The following XRCC4 variants were observed in gnomAD, a reference collection of about 807,000 sequenced individuals.
XRCC4 encodes X-ray repair cross complementing 4, also known as DNA repair protein XRCC4.
XRCC4 carries 28 observed loss-of-function variants against 39.1 expected under a neutral mutation model. The ratio of observed to expected loss-of-function variants is 0.72; its 90% CI spans 0.53 to 0.98. XRCC4 has a LOEUF of 0.98. XRCC4 is among the 50% of genes least tolerant of loss of function. The pLI is 0.00. For missense variants in XRCC4, 350 were observed against 376.4 expected, an observed-to-expected ratio of 0.93 and a Z score of 0.58; for synonymous variants, 123 against 126.4, an observed-to-expected ratio of 0.97 and a Z score of 0.18.
At chr5:83,204,180 CT>C (rs1751328033) in intron 5 of XRCC4, among the ~76,000 whole-genome samples, 2 of 152,036 alleles carry the variant, frequency 1.3e-5, no homozygotes, top group African/African-American at 4.8e-5. Flanking sequence ...TACATATGTA[CT>C]TGATTTTTAT....
intron 7 of XRCC4, among the ~76,000 whole-genome samples, chr5:83,266,746 A>G (rs550860544): frequency 1.3e-5 from 2 of 152,276 alleles, no homozygotes; most frequent in Admixed American, 6.5e-5. Context: ...TTATTTCTCT[A>G]GATCAAATAT....
chr5:83,351,088 A>G (rs1757068369), intron 7 of XRCC4, among the ~76,000 whole-genome samples: 1 of 152,036 alleles, frequency 6.6e-6, no homozygotes, highest in South Asian at 2.1e-4. Flanking sequence ...TTCTCATGAT[A>G]GTGAGTGAGT....
rs1412506484 is a variant in XRCC4, at chr5:83,195,840, A to G, written c.386A>G (p.Tyr129Cys). 1.2e-6 allele frequency: 2 copies of G among 1,612,232 alleles called. No homozygotes were observed. The highest frequency in any genetic ancestry group is 2.7e-5 in the African/African-American group (2 of 74,882). The stretch of plus-strand genomic sequence containing the variant: ...GAAGTCATTAGAGAACTTATTTGTT[A>G]TTGCTTGGACACCATTGCAGAAAAT... ...PAEVIRELIC[Y>C]CLDTIAENQA... The change falls in exon 4 of 8, where the codon TAT becomes TGT. Residue 129 changes from tyrosine to cysteine, a missense_variant. Coordinates refer to ENST00000396027, the MANE Select transcript of XRCC4 (RefSeq NM_003401.5).
chr5:83,110,887 A>G (rs978425821), intron 2 of XRCC4, 141 bp from the exon 3 acceptor site: 3 of 724,814 alleles, frequency 4.1e-6, no homozygotes, highest in Non-Finnish European at 6.2e-6. Context: ...ATTTGATTTA[A>G]AAATGTGTAG....
chr5:83,085,967 A>G (rs373150070), intron 1 of XRCC4, among the ~76,000 whole-genome samples: 1 of 152,330 alleles, frequency 6.6e-6, no homozygotes, highest in African/African-American at 2.4e-5. Context: ...TTAGAACCAC[A>G]CAATCTTACA....
intron 6 of XRCC4, among the ~76,000 whole-genome samples, chr5:83,210,808 T>C (rs1751614970): frequency 6.6e-6 from 1 of 152,228 alleles, no homozygotes; most frequent in African/African-American, 2.4e-5. Context: ...GTTGAAGTCA[T>C]CCCTGTGTAT....
intron 6 of XRCC4, among the ~76,000 whole-genome samples, chr5:83,244,702 C>T (rs1425240725): frequency 1.3e-5 from 2 of 152,074 alleles, no homozygotes; most frequent in East Asian, 3.9e-4. Context: ...TTGTGGTCTG[C>T]CTGGGCTCCA....
intron 3 of XRCC4, among the ~76,000 whole-genome samples, chr5:83,180,885 T>G (rs762838102): frequency 3.3e-5 from 5 of 152,150 alleles, no homozygotes; most frequent in African/African-American, 9.7e-5. Flanking sequence ...TAGAACTAGT[T>G]TACCTTATCT....
chr5:83,340,283 A>G (rs994834913), intron 7 of XRCC4, among the ~76,000 whole-genome samples: 4 of 145,442 alleles, frequency 2.8e-5, no homozygotes, highest in African/African-American at 1.0e-4. Context: ...GTAGAATAGT[A>G]AACCACCCAC....
chr5:83,201,140 G>A (rs897561121), intron 4 of XRCC4: 3 of 152,148 alleles, frequency 2.0e-5, no homozygotes, highest in African/African-American at 7.2e-5. Flanking sequence ...TACAATATTC[G>A]GAATCACTGT....
chr5:83,229,550 A>G (rs1752418008), intron 6 of XRCC4, among the ~76,000 whole-genome samples: 1 of 151,872 alleles, frequency 6.6e-6, no homozygotes, highest in African/African-American at 2.4e-5. Flanking sequence ...GGGGAAAAAA[A>G]GGTTAAAATT....
At chr5:83,246,616 A>G (rs1753111457) in intron 6 of XRCC4, among the ~76,000 whole-genome samples, 1 of 152,128 alleles carries the variant, frequency 6.6e-6, no homozygotes, top group Admixed American at 6.5e-5. Context: ...ATTTTTCTAA[A>G]TGTCAGTTTA....
At chr5:83,313,089 T>C (rs1304046141) in intron 7 of XRCC4, among the ~76,000 whole-genome samples, 2 of 150,848 alleles carry the variant, frequency 1.3e-5, no homozygotes, top group African/African-American at 2.4e-5. Flanking sequence ...TTCTTTTTTT[T>C]TTTTTTACAA....
intron 6 of XRCC4, among the ~76,000 whole-genome samples, chr5:83,244,544 A>G (rs983440902): frequency 1.1e-4 from 16 of 150,898 alleles, no homozygotes; most frequent in African/African-American, 3.7e-4. Flanking sequence ...GTGCATGTGC[A>G]GCTTAATATG....
intron 7 of XRCC4, among the ~76,000 whole-genome samples, chr5:83,304,046 T>C (rs1376911525): frequency 2.0e-5 from 3 of 152,106 alleles, no homozygotes; most frequent in African/African-American, 7.2e-5. Context: ...ATGACATAAG[T>C]AAATTTTTTA....
At chr5:83,174,201 C>T (rs1749851327) in intron 3 of XRCC4, among the ~76,000 whole-genome samples, 1 of 152,112 alleles carries the variant, frequency 6.6e-6, no homozygotes, top group African/African-American at 2.4e-5. Context: ...GTTTTGTGAA[C>T]TGGTTTATTA....
intron 3 of XRCC4, among the ~76,000 whole-genome samples, chr5:83,126,729 A>C (rs1239947088): frequency 1.3e-5 from 2 of 152,206 alleles, no homozygotes; most frequent in South Asian, 4.1e-4. Context: ...GCTTACAAGC[A>C]TAGGTTTTAA....
chr5:83,254,853 G>A (rs1488004473), intron 6 of XRCC4, among the ~76,000 whole-genome samples: 2 of 152,220 alleles, frequency 1.3e-5, no homozygotes, highest in South Asian at 2.1e-4. Flanking sequence ...TTGGGAGGCC[G>A]AGGTGGGTAG....
chr5:83,188,667 G>A (rs1266037333), intron 3 of XRCC4, among the ~76,000 whole-genome samples: 2 of 152,062 alleles, frequency 1.3e-5, no homozygotes, highest in Admixed American at 6.6e-5. Context: ...CAAGAGTGGG[G>A]GCAAGATAGA....
Sources: gnomAD v4.1 joint callset for allele counts (sites outside exome capture counted in the v4.1 genomes callset) on GRCh38, gnomAD v4.1.1 for gene constraint, MANE v1.5 for transcripts, NCBI Gene and HGNC (gene_info 2026-07-23, HGNC 2026-07-21) for gene names.